NKAIN2: variants seen among roughly 807,000 people sequenced by gnomAD.
NKAIN2 encodes sodium/potassium-transporting ATPase subunit beta-1-interacting protein 2.
In NKAIN2, 14 loss-of-function variants were observed where a neutral mutation model predicts 32.6. That is an observed-to-expected ratio of 0.43 (90% confidence interval 0.28 to 0.67). The LOEUF (loss-of-function observed/expected upper bound fraction) is 0.67. Ranked by LOEUF, NKAIN2 falls within the 30% of genes least tolerant of loss-of-function variation. The probability of loss-of-function intolerance (pLI) is 0.17; values close to 1 mark genes in which losing one functional copy is unlikely to be tolerated. For synonymous variants in NKAIN2, 80 were observed against 87.2 expected (o/e 0.92, Z 0.46); for missense variants, 198 against 258.3 (o/e 0.77, Z 1.60).
chr6:124,120,248 T>C (rs1337238051), intron 1 of NKAIN2, among the ~76,000 whole-genome samples: 2 of 152,166 alleles, frequency 1.3e-5, no homozygotes, highest in African/African-American at 4.8e-5. Context: ...ACCACATTTT[T>C]CCCATGGAAT....
intron 4 of NKAIN2, among the ~76,000 whole-genome samples, chr6:124,720,030 C>T (rs193107528): frequency 8.5e-5 from 13 of 152,144 alleles, no homozygotes; most frequent in African/African-American, 2.9e-4. Flanking sequence ...TGATTAGATC[C>T]TCATTCTTTC....
intron 4 of NKAIN2, among the ~76,000 whole-genome samples, chr6:124,694,155 G>A (rs1774384361): frequency 6.6e-6 from 1 of 152,032 alleles, no homozygotes; most frequent in Non-Finnish European, 1.5e-5. Context: ...ACAAGTCTAT[G>A]TGTGTGTGTA....
chr6:124,765,380 T>C (rs1298921087), intron 4 of NKAIN2, among the ~76,000 whole-genome samples: 1 of 152,198 alleles, frequency 6.6e-6, no homozygotes, highest in Non-Finnish European at 1.5e-5. Context: ...ACCTCAACAA[T>C]CAAGAAGGAA....
At chr6:124,790,664 T>G (rs1562385070) in intron 4 of NKAIN2, among the ~76,000 whole-genome samples, 1 of 152,048 alleles carries the variant, frequency 6.6e-6, no homozygotes, top group Non-Finnish European at 1.5e-5. Flanking sequence ...TCTGAGAAAA[T>G]AGAGAGATCA....
At chr6:124,561,957 G>A (rs1780712167) in intron 3 of NKAIN2, among the ~76,000 whole-genome samples, 1 of 152,116 alleles carries the variant, frequency 6.6e-6, no homozygotes, top group Admixed American at 6.5e-5. Context: ...TTCAATCTGG[G>A]CAGATCTCAT....
At chr6:124,527,546 C>G (rs1210886399) in intron 3 of NKAIN2, among the ~76,000 whole-genome samples, 1 of 152,164 alleles carries the variant, frequency 6.6e-6, no homozygotes, top group Admixed American at 6.5e-5. Context: ...CTGCATTCAT[C>G]TGCTCTGTGA....
At chr6:124,638,169 C>T (rs888454526) in intron 3 of NKAIN2, among the ~76,000 whole-genome samples, 1 of 152,074 alleles carries the variant, frequency 6.6e-6, no homozygotes, top group East Asian at 1.9e-4. Flanking sequence ...GAGAAAGAAT[C>T]GGCTCTTCAA....
chr6:123,829,262 C>T (rs1456797193), intron 1 of NKAIN2: 1 of 152,122 alleles, frequency 6.6e-6, no homozygotes, highest in African/African-American at 2.4e-5. Flanking sequence ...AGATGATTCT[C>T]AAATTAAAAT....
chr6:124,140,168 C>T (rs975629152), intron 1 of NKAIN2, among the ~76,000 whole-genome samples: 3 of 152,134 alleles, frequency 2.0e-5, no homozygotes, highest in Non-Finnish European at 4.4e-5. Context: ...TCCCATTAGG[C>T]ATCAATCTTT....
intron 3 of NKAIN2, among the ~76,000 whole-genome samples, chr6:124,588,759 A>G (rs1004525476): frequency 3.3e-5 from 5 of 152,280 alleles, no homozygotes; most frequent in Admixed American, 6.5e-5. Flanking sequence ...TGTACCCCCA[A>G]CTGAAAGTTC....
chr6:124,241,713 G>C (rs745411590), intron 1 of NKAIN2, among the ~76,000 whole-genome samples: 1 of 151,904 alleles, frequency 6.6e-6, no homozygotes, highest in South Asian at 2.1e-4. Context: ...TTTCATTCTC[G>C]TGTTTCCTAT....
chr6:124,267,684 T>C (rs970579448), intron 1 of NKAIN2, among the ~76,000 whole-genome samples: 18 of 152,172 alleles, frequency 1.2e-4, no homozygotes, highest in Admixed American at 1.1e-3. Flanking sequence ...TAATAGTCAG[T>C]CAGTTGATCC....
intron 3 of NKAIN2, among the ~76,000 whole-genome samples, chr6:124,476,354 A>G (rs1169119050): frequency 7.0e-6 from 1 of 143,720 alleles, no homozygotes; most frequent in African/African-American, 2.6e-5. Context: ...TTTTAAATCA[A>G]TCAAACCTGT....
intron 1 of NKAIN2, among the ~76,000 whole-genome samples, chr6:124,175,059 T>C (rs1789088250): frequency 6.6e-6 from 1 of 152,214 alleles, no homozygotes; most frequent in Admixed American, 6.5e-5. Context: ...CATTTTCAGT[T>C]GTAATAATAA....
chr6:124,559,154 CT>C (rs1211730346), intron 3 of NKAIN2, among the ~76,000 whole-genome samples: 3 of 152,070 alleles, frequency 2.0e-5, no homozygotes, highest in Non-Finnish European at 4.4e-5. Flanking sequence ...TGATATGAAT[CT>C]TGAAGTAGCA....
At chr6:124,745,154 T>C (rs1421453784) in intron 4 of NKAIN2, among the ~76,000 whole-genome samples, 2 of 151,994 alleles carry the variant, frequency 1.3e-5, no homozygotes, top group East Asian at 3.9e-4. Flanking sequence ...TTCAAAAAGA[T>C]ATGGCCATTT....
rs189673608 is a variant in NKAIN2 at position 123,975,150 on chromosome 6, A to C, written c.54+170896A>C. Among the ~76,000 whole-genome samples the C allele has an allele frequency of 2.3e-3, 346 of 152,300 alleles. 11 individuals are homozygous for C. In the South Asian group the frequency reaches 0.058, roughly 26 times the overall value. On this transcript the variant is annotated intron_variant, in intron 1 of 6. Coordinates refer to ENST00000368417, the MANE Select transcript of NKAIN2 (RefSeq NM_001040214.3). ...GGAAATGTTGAACTACTCATTAGCT[A>C]TTCTTTCTCTAAGGTTAAACAGGTA...
intron 1 of NKAIN2, among the ~76,000 whole-genome samples, chr6:124,051,270 T>C (rs1221243522): frequency 6.6e-6 from 1 of 151,982 alleles, no homozygotes; most frequent in Admixed American, 6.6e-5. Context: ...CTTAGAGCTT[T>C]TTGGAGAAAG....
At chr6:124,344,372 G>A (rs1178135717) in intron 2 of NKAIN2, among the ~76,000 whole-genome samples, 4 of 151,946 alleles carry the variant, frequency 2.6e-5, no homozygotes, top group African/African-American at 9.7e-5. Flanking sequence ...TGTGAAGAAA[G>A]TCATTGGTAG....
Sources: gnomAD v4.1 joint callset for allele counts (sites outside exome capture counted in the v4.1 genomes callset) on GRCh38, gnomAD v4.1.1 for gene constraint, MANE v1.5 for transcripts, NCBI Gene and HGNC (gene_info 2026-07-23, HGNC 2026-07-21) for gene names.